The following CPNE4 variants were observed in gnomAD, a reference collection of about 807,000 sequenced individuals.
CPNE4 encodes the protein copine-4.
A neutral mutation model predicts 67.9 loss-of-function variants in CPNE4; 25 were observed. The observed-to-expected ratio is 0.37, with a 90% CI of 0.27 to 0.51. The LOEUF is 0.51. CPNE4 is among the 20% of genes least tolerant of loss of function. The pLI is 0.93. For missense variants in CPNE4, 464 were observed against 690.8 expected (o/e 0.67, Z 3.68); for synonymous variants, 242 against 244.9 (o/e 0.99, Z 0.11).
At chr3:132,003,929 G>GC (rs1423900625) in intron 1 of CPNE4, among the ~76,000 whole-genome samples, 6 of 152,026 alleles carry the variant, frequency 3.9e-5, no homozygotes, top group African/African-American at 1.4e-4. Flanking sequence ...ATCAGAAGAT[G>GC]CCCCCAAATT....
At chr3:131,941,522 T>A (rs1018537897) in intron 1 of CPNE4, among the ~76,000 whole-genome samples, 1 of 152,080 alleles carries the variant, frequency 6.6e-6, no homozygotes, top group East Asian at 1.9e-4. Flanking sequence ...CAGCTTATTA[T>A]CTACAGCTAC....
intron 1 of CPNE4, among the ~76,000 whole-genome samples, chr3:132,027,213 G>A (rs1430181044): frequency 6.6e-6 from 1 of 152,122 alleles, no homozygotes; most frequent in East Asian, 1.9e-4. Flanking sequence ...AGTGTGGTGT[G>A]GCATGGGCCA....
At chr3:131,555,678 C>A in intron 11 of CPNE4, 127 bp from the exon 12 acceptor site, 1 of 735,988 alleles carries the variant, frequency 1.4e-6, no homozygotes, top group Non-Finnish European at 2.4e-6. Context: ...CTGACTCATG[C>A]TTCTTGATTG....
intron 1 of CPNE4, among the ~76,000 whole-genome samples, chr3:131,986,359 C>A (rs2073041186): frequency 6.6e-6 from 1 of 152,196 alleles, no homozygotes. Context: ...TGGAAGCACA[C>A]AATCTGCCCT....
At chr3:131,548,655 T>G (rs1221318935) in intron 14 of CPNE4, among the ~76,000 whole-genome samples, 1 of 152,004 alleles carries the variant, frequency 6.6e-6, no homozygotes, top group East Asian at 1.9e-4. Flanking sequence ...ATATATTTGG[T>G]GTGTTTGTGG....
At chr3:131,884,606 G>T (rs753418560) in intron 2 of CPNE4, among the ~76,000 whole-genome samples, 4 of 152,160 alleles carry the variant, frequency 2.6e-5, no homozygotes, top group Non-Finnish European at 5.9e-5. Context: ...GTTTGGCTCT[G>T]TGTCCCCACC....
intron 1 of CPNE4, among the ~76,000 whole-genome samples, chr3:132,000,400 C>G (rs908527155): frequency 6.6e-6 from 1 of 151,892 alleles, no homozygotes; most frequent in African/African-American, 2.4e-5. Flanking sequence ...TATGTTATCC[C>G]CAGGTGCTAG....
intron 6 of CPNE4, among the ~76,000 whole-genome samples, chr3:131,679,091 G>A (rs563560206): frequency 4.6e-5 from 7 of 152,166 alleles, no homozygotes; most frequent in African/African-American, 1.4e-4. Flanking sequence ...ATTTATTACT[G>A]CCTCTATTTC....
At chr3:131,971,315 T>C (rs1290458489) in intron 1 of CPNE4, among the ~76,000 whole-genome samples, 2 of 152,206 alleles carry the variant, frequency 1.3e-5, no homozygotes. Context: ...TCACTTCTAC[T>C]GAATTTCACC....
At chr3:131,712,316 G>A (rs1320093464) in intron 3 of CPNE4, among the ~76,000 whole-genome samples, 1 of 152,122 alleles carries the variant, frequency 6.6e-6, no homozygotes, top group Non-Finnish European at 1.5e-5. Context: ...CCACAACCTA[G>A]ATGTCATCAC....
At chr3:131,598,136 G>T (rs141371717) in intron 7 of CPNE4, among the ~76,000 whole-genome samples, 7 of 152,334 alleles carry the variant, frequency 4.6e-5, no homozygotes, top group East Asian at 1.9e-4. Context: ...CAGCTTTAGG[G>T]ATTGTAGAGG....
chr3:131,975,639 G>A (rs372395320), intron 1 of CPNE4, among the ~76,000 whole-genome samples: 5 of 152,262 alleles, frequency 3.3e-5, no homozygotes, highest in African/African-American at 1.2e-4. Context: ...ACCTATGGAG[G>A]GAAATGAAAG....
Position 131,663,312 on chromosome 3 carries a change from G to C in CPNE4, c.681+6363C>G, listed in dbSNP as rs143295745. Among the ~76,000 whole-genome samples, 120 of 152,070 alleles carry C rather than the reference G, an allele frequency of 7.9e-4. No individual in the cohort carries two copies. In the Middle Eastern group the frequency reaches 0.01, roughly 13 times the overall value. On this transcript the variant is annotated intron_variant, in intron 7 of 15. Transcript: ENST00000429747. ...AACATCATACATCGGGGCCTGTCAG[G>C]GGGTGGGAGGCAAGGGGAGGGAGAG...
At chr3:131,773,318 AAAC>A (rs2083213412) in intron 2 of CPNE4, among the ~76,000 whole-genome samples, 1 of 151,450 alleles carries the variant, frequency 6.6e-6, no homozygotes, top group African/African-American at 2.4e-5. Flanking sequence ...TAAAATGATA[AAAC>A]AATATGTGAT....
chr3:131,859,166 A>G (rs1016164261), intron 2 of CPNE4, among the ~76,000 whole-genome samples: 2 of 152,174 alleles, frequency 1.3e-5, no homozygotes, highest in African/African-American at 4.8e-5. Flanking sequence ...AAGTCCATGC[A>G]CTGCAGTCTG....
At chr3:131,861,195 T>C (rs750273845) in intron 2 of CPNE4, among the ~76,000 whole-genome samples, 18 of 152,214 alleles carry the variant, frequency 1.2e-4, no homozygotes, top group Non-Finnish European at 2.2e-4. Flanking sequence ...TCAGTTCCAT[T>C]TGATTCAGCT....
chr3:131,684,673 G>T (rs1453521622), intron 6 of CPNE4, among the ~76,000 whole-genome samples: 1 of 152,122 alleles, frequency 6.6e-6, no homozygotes. Flanking sequence ...AGTCATGGGG[G>T]TTTCTTTTTT....
intron 2 of CPNE4, among the ~76,000 whole-genome samples, chr3:131,728,729 T>C (rs1291572727): frequency 1.3e-5 from 2 of 151,046 alleles, no homozygotes; most frequent in African/African-American, 4.9e-5. Context: ...GCTAACATGG[T>C]GAAACCCCGT....
chr3:131,907,132 A>G lies in CPNE4; in HGVS notation c.-1-1688T>C, dbSNP rs540728163. Among the ~76,000 whole-genome samples, 45 of 152,260 alleles carry G rather than the reference A, an allele frequency of 3.0e-4. 1 individual carries two copies. The highest frequency in any genetic ancestry group is 5.0e-4 in the Non-Finnish European group (34 of 68,022). ...TGCTCTCCATGTGATATCCTTTATA[A>G]TAACACTTTGCATCCCAGAGCCCCA... is the stretch of plus-strand genomic sequence containing the variant. On this transcript the variant is annotated intron_variant, in intron 1 of 15. Coordinates refer to ENST00000429747, the MANE Select transcript of CPNE4 (RefSeq NM_130808.3).
Sources: gnomAD v4.1 joint callset for allele counts (sites outside exome capture counted in the v4.1 genomes callset) on GRCh38, gnomAD v4.1.1 for gene constraint, MANE v1.5 for transcripts, NCBI Gene and HGNC (gene_info 2026-07-23, HGNC 2026-07-21) for gene names.